ANKS1B: variants seen among roughly 807,000 people sequenced by gnomAD.
The protein encoded by ANKS1B is ankyrin repeat and sterile alpha motif domain containing 1B.
In ANKS1B, 36 loss-of-function variants were observed where a neutral mutation model predicts 148.3. That is an observed-to-expected ratio of 0.24 (90% confidence interval 0.19 to 0.32). ANKS1B has a LOEUF of 0.32. Among genes scored for constraint, ANKS1B ranks in the 10% least tolerant of loss-of-function variants. The pLI is 1.00. For missense variants in ANKS1B, 1,157 were observed against 1,542.6 expected, an observed-to-expected ratio of 0.75 and a Z score of 4.19; for synonymous variants, 542 against 560.8, an observed-to-expected ratio of 0.97 and a Z score of 0.47.
At chr12:99,271,446 T>C (rs968499250) in intron 12 of ANKS1B, among the ~76,000 whole-genome samples, 1 of 151,956 alleles carries the variant, frequency 6.6e-6, no homozygotes, top group Non-Finnish European at 1.5e-5. Flanking sequence ...ATATCTATCC[T>C]TCAAGTGAAA....
chr12:99,371,126 C>A lies in ANKS1B; in HGVS notation c.1756+28505G>T, dbSNP rs138892777. ...ATGAAGTTGTCCTTTGTCAAACTAC[C>A]CCTGCTTTTTTTGTGTGTGTGTTAG... is the stretch of plus-strand genomic sequence containing the variant. On this transcript the variant is annotated intron_variant, in intron 12 of 26. Coordinates refer to ENST00000683438, the MANE Select transcript of ANKS1B (RefSeq NM_001352186.2). Among the ~76,000 whole-genome samples the A allele has an allele frequency of 1.5e-3, 235 of 152,032 alleles. 1 individual carries two copies. The highest frequency in any genetic ancestry group is 5.3e-3 in the African/African-American group (218 of 41,466).
chr12:99,356,575 T>C (rs563128154), intron 12 of ANKS1B, among the ~76,000 whole-genome samples: 186 of 152,294 alleles, frequency 1.2e-3, no homozygotes, highest in African/African-American at 3.9e-3. Context: ...ATCTCCATTT[T>C]TGCAGAACAG....
intron 14 of ANKS1B, among the ~76,000 whole-genome samples, chr12:99,218,426 A>G (rs946337150): frequency 1.3e-5 from 2 of 152,236 alleles, no homozygotes; most frequent in African/African-American, 4.8e-5. Context: ...CCACAGTAGT[A>G]TTCAGGTCCT....
chr12:98,936,201 C>T (rs188827861), intron 17 of ANKS1B, among the ~76,000 whole-genome samples: 159 of 152,306 alleles, frequency 1.0e-3, no homozygotes, highest in African/African-American at 3.6e-3. Flanking sequence ...AACCCCACTT[C>T]ACTGATGAGT....
At chr12:99,661,945 G>C (rs916650543) in intron 8 of ANKS1B, among the ~76,000 whole-genome samples, 3 of 152,064 alleles carry the variant, frequency 2.0e-5, no homozygotes, top group Non-Finnish European at 4.4e-5. Context: ...GCTGGAGCTG[G>C]AGCATTTGTC....
At chr12:99,699,975 T>A (rs1333027522) in intron 8 of ANKS1B, among the ~76,000 whole-genome samples, 5 of 152,198 alleles carry the variant, frequency 3.3e-5, no homozygotes, top group African/African-American at 1.2e-4. Context: ...TTTCTCAGTC[T>A]ATTTTGTAAG....
At chr12:99,699,345 T>C (rs539561454) in intron 8 of ANKS1B, among the ~76,000 whole-genome samples, 2 of 152,334 alleles carry the variant, frequency 1.3e-5, no homozygotes, top group African/African-American at 4.8e-5. Context: ...ATTCTTTTCA[T>C]AAATAATTAC....
rs559999811 is a variant in ANKS1B at position 98,922,594 on chromosome 12, G to A, written c.2779-90458C>T. Among the ~76,000 whole-genome samples, 308 of 152,236 alleles carry A rather than the reference G, an allele frequency of 2.0e-3. 3 individuals carry two copies. Among genetic ancestry groups the A allele is most frequent in the African/African-American group, 7.1e-3 (294 of 41,538 alleles). On this transcript the variant is annotated intron_variant, in intron 17 of 26. Coordinates refer to ENST00000683438, the MANE Select transcript of ANKS1B (RefSeq NM_001352186.2). ...GCTCACTGCAACCTCTGCCTCCTGG[G>A]TTCAAGCGATTCTCCTGCCTCAGCC...
chr12:99,000,754 A>C lies in ANKS1B; in HGVS notation c.2778+52403T>G, dbSNP rs139249114. 7.9e-4 allele frequency among the ~76,000 whole-genome samples: 120 copies of C among 152,200 alleles called. 1 individual carries two copies. The East Asian group carries it at 0.021, about 27-fold the overall frequency. On this transcript the variant is annotated intron_variant, in intron 17 of 26. Coordinates refer to ENST00000683438, the MANE Select transcript of ANKS1B (RefSeq NM_001352186.2). ...CACCCCTGTTGATTAGCAATTTCCC[A>C]TCCTTGCACCCCAGTCCTTGGTAAC...
chr12:99,136,050 G>A (rs2067938817), intron 15 of ANKS1B, among the ~76,000 whole-genome samples: 1 of 152,166 alleles, frequency 6.6e-6, no homozygotes, highest in Non-Finnish European at 1.5e-5. Context: ...GATAGGAAAT[G>A]CAAGATGAAG....
At chr12:99,613,751 A>G (rs2097921700) in intron 9 of ANKS1B, among the ~76,000 whole-genome samples, 1 of 151,998 alleles carries the variant, frequency 6.6e-6, no homozygotes, top group East Asian at 1.9e-4. Context: ...ACTAATGGAT[A>G]CTAGGCTTAA....
intron 9 of ANKS1B, among the ~76,000 whole-genome samples, chr12:99,588,866 A>C (rs2097670663): frequency 6.6e-6 from 1 of 152,252 alleles, no homozygotes; most frequent in African/African-American, 2.4e-5. Flanking sequence ...ATCATATTTT[A>C]GAAATATTAA....
At chr12:98,789,275 A>G (rs1036573185) in intron 22 of ANKS1B, among the ~76,000 whole-genome samples, 4 of 152,140 alleles carry the variant, frequency 2.6e-5, no homozygotes, top group African/African-American at 9.7e-5. Flanking sequence ...CCTGGAAGGC[A>G]GTGATTGTAG....
At chr12:99,303,197 G>T (rs989315034) in intron 12 of ANKS1B, among the ~76,000 whole-genome samples, 5 of 152,110 alleles carry the variant, frequency 3.3e-5, no homozygotes, top group Admixed American at 6.6e-5. Context: ...CATGGGGAAG[G>T]TGTATATATT....
chr12:99,686,502 C>T (rs1254321173), intron 8 of ANKS1B, among the ~76,000 whole-genome samples: 1 of 152,114 alleles, frequency 6.6e-6, no homozygotes, highest in Non-Finnish European at 1.5e-5. Context: ...CTGAGTGCTG[C>T]CTGATTCCTG....
At position 99,651,618 on chromosome 12, in the gene ANKS1B, T is replaced by C. The variant is rs530504364; in HGVS notation, c.1272+3449A>G. On this transcript the variant is annotated intron_variant, in intron 9 of 26. Transcript: ENST00000683438. ...TCTGACTCAATCTCTTTTTAAATTG[T>C]ATATTCCTTTGGTAAATATTTCAAT... Among the ~76,000 whole-genome samples the C allele has an allele frequency of 8.5e-5, 13 of 152,296 alleles. 1 individual carries two copies. In the East Asian group the frequency reaches 2.5e-3, roughly 29 times the overall value.
intron 12 of ANKS1B, among the ~76,000 whole-genome samples, chr12:99,355,778 G>A (rs1039379553): frequency 1.4e-4 from 22 of 151,912 alleles, no homozygotes; most frequent in African/African-American, 4.6e-4. Flanking sequence ...CTTACACCAT[G>A]TACCTGTCCA....
chr12:99,108,506 T>C (rs1173979047), intron 15 of ANKS1B, among the ~76,000 whole-genome samples: 1 of 152,164 alleles, frequency 6.6e-6, no homozygotes, highest in African/African-American at 2.4e-5. Flanking sequence ...ATAAATAACA[T>C]TCAGCAATCA....
At chr12:98,905,954 G>A (rs114777477) in intron 17 of ANKS1B, among the ~76,000 whole-genome samples, 222 of 152,236 alleles carry the variant, frequency 1.5e-3, no homozygotes, top group African/African-American at 5.2e-3. Flanking sequence ...CTCAATCCAC[G>A]AGATCTATAC....
Sources: gnomAD v4.1 joint callset for allele counts (sites outside exome capture counted in the v4.1 genomes callset) on GRCh38, gnomAD v4.1.1 for gene constraint, MANE v1.5 for transcripts, NCBI Gene and HGNC (gene_info 2026-07-23, HGNC 2026-07-21) for gene names.